Variants in CABCOCO1 observed in about 807,000 individuals in gnomAD.
CABCOCO1 encodes the protein ciliary associated calcium binding coiled-coil 1.
Under a neutral mutation model 35.7 loss-of-function variants are expected in CABCOCO1, and 28 were observed. The observed-to-expected ratio is 0.78, with a 90% CI of 0.58 to 1.07. The LOEUF (loss-of-function observed/expected upper bound fraction) is 1.07, where lower values mean the gene tolerates loss of function less well. Ranked by LOEUF, CABCOCO1 falls within the 50% of genes least tolerant of loss-of-function variation. The probability of loss-of-function intolerance (pLI) is 0.00; values close to 1 mark genes in which losing one functional copy is unlikely to be tolerated. For missense variants in CABCOCO1, 326 were observed against 309.2 expected, an observed-to-expected ratio of 1.05 and a Z score of -0.41; for synonymous variants, 95 against 100.1, an observed-to-expected ratio of 0.95 and a Z score of 0.30.
chr10:61,680,519 CAT>C (rs1266554358), intron 2 of CABCOCO1, among the ~76,000 whole-genome samples: 3 of 130,804 alleles, frequency 2.3e-5, no homozygotes, highest in South Asian at 2.4e-4. Context: ...TTATATATAA[CAT>C]ATTATATGTT....
At chr10:61,744,474 G>C (rs1469005084) in intron 5 of CABCOCO1, among the ~76,000 whole-genome samples, 1 of 152,038 alleles carries the variant, frequency 6.6e-6, no homozygotes, top group Non-Finnish European at 1.5e-5. Flanking sequence ...CTTTGTTTAA[G>C]CAAATGAACA....
At chr10:61,763,984 C>T (rs1266094632) in intron 7 of CABCOCO1, among the ~76,000 whole-genome samples, 1 of 152,002 alleles carries the variant, frequency 6.6e-6, no homozygotes, top group Non-Finnish European at 1.5e-5. Flanking sequence ...AGATCTGAGA[C>T]ATTACTCACC....
intron 7 of CABCOCO1, among the ~76,000 whole-genome samples, chr10:61,764,674 A>T (rs995279288): frequency 6.6e-6 from 1 of 152,026 alleles, no homozygotes; most frequent in African/African-American, 2.4e-5. Flanking sequence ...TGTGACCTGG[A>T]GGACCGCTCC....
At chr10:61,753,855 T>G (rs1235844790) in intron 5 of CABCOCO1, among the ~76,000 whole-genome samples, 2 of 152,156 alleles carry the variant, frequency 1.3e-5, no homozygotes, top group African/African-American at 4.8e-5. Flanking sequence ...TGTTTGATAC[T>G]TTAAAGACTG....
At chr10:61,671,167 A>C (rs956711272) in intron 1 of CABCOCO1, among the ~76,000 whole-genome samples, 7 of 152,140 alleles carry the variant, frequency 4.6e-5, no homozygotes, top group African/African-American at 1.7e-4. Flanking sequence ...TCTACTAAAA[A>C]TACAAAAATT....
intron 5 of CABCOCO1, among the ~76,000 whole-genome samples, chr10:61,742,366 G>T (rs1056558956): frequency 1.3e-5 from 2 of 152,168 alleles, no homozygotes; most frequent in Non-Finnish European, 2.9e-5. Context: ...CATGACATAA[G>T]ATTTCTATTC....
intron 4 of CABCOCO1, among the ~76,000 whole-genome samples, chr10:61,689,950 C>G (rs892352313): frequency 6.6e-6 from 1 of 152,062 alleles, no homozygotes; most frequent in Non-Finnish European, 1.5e-5. Context: ...AGGGTAAGAA[C>G]TGAAGAAATG....
At chr10:61,763,280 A>G (rs1461074495) in intron 7 of CABCOCO1, among the ~76,000 whole-genome samples, 2 of 152,036 alleles carry the variant, frequency 1.3e-5, no homozygotes, top group African/African-American at 4.8e-5. Flanking sequence ...CTTCTCTAAT[A>G]CAGAAATTTC....
At chr10:61,714,606 G>C (rs370440754) in intron 5 of CABCOCO1, among the ~76,000 whole-genome samples, 10 of 149,496 alleles carry the variant, frequency 6.7e-5, no homozygotes, top group South Asian at 6.4e-4. Context: ...GTGATGTTAG[G>C]GTGTCAATTT....
At chr10:61,675,743 T>G (rs968430346) in intron 2 of CABCOCO1, among the ~76,000 whole-genome samples, 3 of 149,798 alleles carry the variant, frequency 2.0e-5, no homozygotes, top group African/African-American at 7.4e-5. Flanking sequence ...AAAAAAAACA[T>G]GGTAAAATAT....
At chr10:61,703,472 G>A (rs1840514466) in intron 5 of CABCOCO1, among the ~76,000 whole-genome samples, 1 of 152,070 alleles carries the variant, frequency 6.6e-6, no homozygotes, top group Non-Finnish European at 1.5e-5. Context: ...AATCTGACTT[G>A]AATGATCTTT....
intron 5 of CABCOCO1, among the ~76,000 whole-genome samples, chr10:61,742,883 G>A (rs1841579136): frequency 6.6e-6 from 1 of 152,142 alleles, no homozygotes; most frequent in Non-Finnish European, 1.5e-5. Context: ...TACTCTTCTA[G>A]TCCTGAAAAG....
At chr10:61,705,034 A>G (rs1840561185) in intron 5 of CABCOCO1, among the ~76,000 whole-genome samples, 1 of 152,202 alleles carries the variant, frequency 6.6e-6, no homozygotes, top group Non-Finnish European at 1.5e-5. Context: ...AATTCTTTTG[A>G]CTTGTGCAAA....
At chr10:61,679,857 CAG>C (rs1201321430) in intron 2 of CABCOCO1, among the ~76,000 whole-genome samples, 2 of 151,596 alleles carry the variant, frequency 1.3e-5, no homozygotes, top group East Asian at 3.9e-4. Context: ...AAGCATACAA[CAG>C]AGATATAAAA....
At chr10:61,709,129 A>G (rs1840665072) in intron 5 of CABCOCO1, among the ~76,000 whole-genome samples, 1 of 152,180 alleles carries the variant, frequency 6.6e-6, no homozygotes, top group Non-Finnish European at 1.5e-5. Context: ...TGTGGAAAAT[A>G]TTTAACATTC....
chr10:61,681,423 G>A, intron 3 of CABCOCO1, 111 bp downstream of exon 3: 2 of 778,976 alleles, frequency 2.6e-6, no homozygotes, highest in South Asian at 2.2e-5. Flanking sequence ...GAAAAATACG[G>A]GTTTTTCCTG....
At chr10:61,761,142 A>C in intron 7 of CABCOCO1, 139 bp downstream of exon 7, 1 of 876,096 alleles carries the variant, frequency 1.1e-6, no homozygotes, top group Non-Finnish European at 1.7e-6. Context: ...GCTTCACATA[A>C]TTCTCAGTTG....
chr10:61,742,240 C>T (rs983306500), intron 5 of CABCOCO1, among the ~76,000 whole-genome samples: 5 of 151,986 alleles, frequency 3.3e-5, no homozygotes, highest in Non-Finnish European at 4.4e-5. Context: ...GCTTCTTTGC[C>T]GGGGACATTA....
chr10:61,733,120 G>A (rs1589146234), intron 5 of CABCOCO1, among the ~76,000 whole-genome samples: 1 of 152,044 alleles, frequency 6.6e-6, no homozygotes, highest in South Asian at 2.1e-4. Flanking sequence ...ATTTACATAT[G>A]CTTTTTATAA....
Sources: allele counts gnomAD v4.1 joint callset (sites outside exome capture counted in the v4.1 genomes callset), GRCh38; gene constraint gnomAD v4.1.1; transcripts MANE v1.5; gene names NCBI Gene and HGNC (gene_info 2026-07-23, HGNC 2026-07-21).